The following GCNT1 variants were observed in gnomAD, a reference collection of about 807,000 sequenced individuals.
GCNT1 encodes beta-1,3-galactosyl-O-glycosyl-glycoprotein beta-1,6-N-acetylglucosaminyltransferase.
Under a neutral mutation model 26.2 loss-of-function variants are expected in GCNT1, and 16 were observed. The observed-to-expected ratio is 0.61, with a 90% CI of 0.41 to 0.93. The LOEUF (loss-of-function observed/expected upper bound fraction) is 0.93. Among genes scored for constraint, GCNT1 ranks in the 40% least tolerant of loss-of-function variants. The pLI is 0.00. For missense variants in GCNT1, 477 were observed against 526.7 expected, an observed-to-expected ratio of 0.91 and a Z score of 0.92; for synonymous variants, 183 against 190.8, an observed-to-expected ratio of 0.96 and a Z score of 0.34.
chr9:76,493,701 G>A (rs1824816318), intron 2 of GCNT1, among the ~76,000 whole-genome samples: 1 of 152,156 alleles, frequency 6.6e-6, no homozygotes, highest in African/African-American at 2.4e-5. Context: ...GGGAGGCTAG[G>A]ATATGGAGAT....
At chr9:76,407,217 A>C in the GCNT1 span, among the ~76,000 whole-genome samples, 7 of 151,670 alleles carry the variant, frequency 4.6e-5, no homozygotes, top group Non-Finnish European at 1.0e-4. Flanking sequence ...CTGCATTTAC[A>C]CTTCAAATTT....
chr9:76,433,438 C>T (rs991013399), intron 1 of GCNT1, among the ~76,000 whole-genome samples: 1 of 152,204 alleles, frequency 6.6e-6, no homozygotes, highest in Non-Finnish European at 1.5e-5. Context: ...TGTTTGTGTG[C>T]CACGGCGTAC....
At chr9:76,412,195 A>G in the GCNT1 span, among the ~76,000 whole-genome samples, 1 of 152,182 alleles carries the variant, frequency 6.6e-6, no homozygotes, top group Non-Finnish European at 1.5e-5. Flanking sequence ...CACTTAATGA[A>G]TGCTTATATT....
In GCNT1 at chr9:76,504,787, C is replaced by G; in HGVS notation, c.*1119C>G. The G allele has an allele frequency of 2.4e-6, 1 of 413,534 alleles. No homozygotes were observed. Among genetic ancestry groups the G allele is most frequent in the Non-Finnish European group, 4.4e-6 (1 of 226,168 alleles). The allele number at this position is 413,534 out of a possible 1,614,324, so 25.6% of individuals were successfully genotyped here. ...GACTTGGCCCTGTTCTTGGGTCTTC[C>G]CGTTACCTGCCCCCTGGGTGGTAAG... On this transcript the variant is annotated 3_prime_UTR_variant, in exon 4 of 4. Coordinates refer to ENST00000376730, the MANE Select transcript of GCNT1 (RefSeq NM_001490.5).
rs72749246 is a variant in GCNT1 at position 76,506,867 on chromosome 9, G to A, written c.*3199G>A. 8,672 of 166,998 alleles carry A rather than the reference G, an allele frequency of 0.052. 274 individuals are homozygous for A. The highest frequency in any genetic ancestry group is 0.1 in the South Asian group (493 of 4,798). 10.3% of individuals were successfully genotyped at this position (166,998 alleles called of 1,614,324 possible). A position where few individuals can be genotyped will look rare whatever the true frequency, so the allele number is the denominator to read the frequency against. ...TTCAGTTCGTTTTCTCTGTAGGGTC[G>A]ATTGAATTGGACCTTTTCAGTTGTT... On this transcript the variant is annotated 3_prime_UTR_variant, in exon 4 of 4. Coordinates refer to ENST00000376730, the MANE Select transcript of GCNT1 (RefSeq NM_001490.5).
intron 1 of GCNT1, among the ~76,000 whole-genome samples, chr9:76,445,197 G>A (rs753999502): frequency 4.6e-5 from 7 of 152,032 alleles, no homozygotes; most frequent in South Asian, 2.1e-4. Flanking sequence ...AGAATTGCTC[G>A]GATGATGTTC....
chr9:76,499,069 T>C (rs769723186), intron 2 of GCNT1, among the ~76,000 whole-genome samples: 1 of 152,016 alleles, frequency 6.6e-6, no homozygotes, highest in African/African-American at 2.4e-5. Context: ...TTAATTTATC[T>C]GGGAGTATCC....
chr9:76,466,321 T>A (rs1014757045), intron 2 of GCNT1, among the ~76,000 whole-genome samples: 1 of 152,186 alleles, frequency 6.6e-6, no homozygotes, highest in African/African-American at 2.4e-5. Context: ...GTTTTGTTTT[T>A]GACAGGATCT....
chr9:76,467,463 G>T (rs1824026677), intron 2 of GCNT1, among the ~76,000 whole-genome samples: 1 of 152,054 alleles, frequency 6.6e-6, no homozygotes, highest in Non-Finnish European at 1.5e-5. Flanking sequence ...CTCGGTGTTG[G>T]CTATACATTA....
At chr9:76,492,740 G>C (rs969684878) in intron 2 of GCNT1, among the ~76,000 whole-genome samples, 3 of 151,540 alleles carry the variant, frequency 2.0e-5, no homozygotes, top group African/African-American at 7.3e-5. Flanking sequence ...AAACCACACT[G>C]ATAACAAGCC....
upstream of GCNT1, among the ~76,000 whole-genome samples, chr9:76,416,673 C>A (rs1275931768): frequency 6.6e-6 from 1 of 152,186 alleles, no homozygotes; most frequent in East Asian, 1.9e-4. Context: ...AGTCTCACTA[C>A]GTATTTAACT....
the GCNT1 span, among the ~76,000 whole-genome samples, chr9:76,414,099 G>C: frequency 6.6e-6 from 1 of 152,090 alleles, no homozygotes; most frequent in Non-Finnish European, 1.5e-5. Flanking sequence ...TTGACCATCT[G>C]TTCTTGAATT....
intron 1 of GCNT1, among the ~76,000 whole-genome samples, chr9:76,433,687 T>C (rs902009756): frequency 9.2e-5 from 14 of 152,162 alleles, no homozygotes; most frequent in African/African-American, 3.4e-4. Context: ...GCAGGGTGCC[T>C]CTTGCAGGGA....
At chr9:76,412,610 C>A in the GCNT1 span, among the ~76,000 whole-genome samples, 1 of 152,184 alleles carries the variant, frequency 6.6e-6, no homozygotes, top group African/African-American at 2.4e-5. Flanking sequence ...TGATTTCTTA[C>A]AATTTTATGT....
chr9:76,449,872 C>G (rs1013816418), intron 1 of GCNT1, among the ~76,000 whole-genome samples: 2 of 151,406 alleles, frequency 1.3e-5, no homozygotes, highest in African/African-American at 4.9e-5. Flanking sequence ...CAACCTCTGC[C>G]TCCTGGGCTC....
chr9:76,468,568 T>C (rs1564234533), intron 2 of GCNT1, among the ~76,000 whole-genome samples: 1 of 152,220 alleles, frequency 6.6e-6, no homozygotes, highest in Admixed American at 6.5e-5. Context: ...TCCTTTGCCA[T>C]GCCCTGGGGA....
At chr9:76,400,172 A>G in the GCNT1 span, among the ~76,000 whole-genome samples, 1 of 152,232 alleles carries the variant, frequency 6.6e-6, no homozygotes, top group South Asian at 2.1e-4. Flanking sequence ...GACATTATGC[A>G]TGTATCAAAA....
At chr9:76,449,308 A>C (rs1823626015) in intron 1 of GCNT1, among the ~76,000 whole-genome samples, 1 of 104,080 alleles carries the variant, frequency 9.6e-6, no homozygotes. Flanking sequence ...TCTATAAAAA[A>C]CAACAAAAAA....
At chr9:76,422,888 A>G (rs1300691642) in intron 1 of GCNT1, among the ~76,000 whole-genome samples, 1 of 152,144 alleles carries the variant, frequency 6.6e-6, no homozygotes, top group Non-Finnish European at 1.5e-5. Context: ...TACAATATTC[A>G]ATAAATTACA....
Sources: allele counts gnomAD v4.1 joint callset (sites outside exome capture counted in the v4.1 genomes callset), GRCh38; gene constraint gnomAD v4.1.1; transcripts MANE v1.5; gene names NCBI Gene and HGNC (gene_info 2026-07-23, HGNC 2026-07-21).